The following LZTFL1 variants were observed in gnomAD, a reference collection of about 807,000 sequenced individuals.
The protein encoded by LZTFL1 is leucine zipper transcription factor-like protein 1.
LZTFL1 carries 25 observed loss-of-function variants against 45.9 expected under a neutral mutation model. The ratio of observed to expected loss-of-function variants is 0.54; its 90% CI spans 0.40 to 0.76. The LOEUF is 0.76. Ranked by LOEUF, LZTFL1 falls within the 30% of genes least tolerant of loss-of-function variation. The pLI, the probability that LZTFL1 is intolerant of heterozygous loss-of-function variation, is 0.00. For synonymous variants in LZTFL1, 93 were observed against 117.4 expected (o/e 0.79, Z 1.35); for missense variants, 277 against 331.1 (o/e 0.84, Z 1.27).
chr3:45,825,109 T>C lies in LZTFL1; in HGVS notation c.*1205A>G, dbSNP rs1311310251. ...TGAATAAAAATAACAACAAGCCCTA[T>C]GCTCCAATCAGTAAACTCGTTTCTT... On this transcript the variant is annotated 3_prime_UTR_variant, in exon 10 of 10. Coordinates refer to ENST00000296135, the MANE Select transcript of LZTFL1 (RefSeq NM_020347.4). 1 of 384,528 alleles carries C rather than the reference T, an allele frequency of 2.6e-6. No homozygotes were observed. The highest frequency in any genetic ancestry group is 4.5e-5 in the Admixed American group (1 of 22,404). 23.8% of individuals were successfully genotyped at this position (384,528 alleles called of 1,614,324 possible).
At position 45,894,784 on chromosome 3, in the gene LZTFL1, G is replaced by T. The variant is rs1450229529; in HGVS notation, c.-215+18336C>A. 1.4e-4 allele frequency: 99 copies of T among 720,216 alleles called. 1 individual carries two copies. The South Asian group carries it at 1.6e-3, about 11-fold the overall frequency. 44.6% of individuals were successfully genotyped at this position (720,216 alleles called of 1,614,324 possible). A position where few individuals can be genotyped will look rare whatever the true frequency, so the allele number is the denominator to read the frequency against. On this transcript the variant is annotated intron_variant, in intron 2 of 4. Coordinates refer to the LZTFL1 transcript ENST00000472635. ...GAATACTATATAGACTCTAACTCCTGCTTGGAATATTTTTTTCAGAAGAAT... is the reference window on the plus strand; with the variant it reads ...GAATACTATATAGACTCTAACTCCTTCTTGGAATATTTTTTTCAGAAGAAT...
intron 2 of LZTFL1, among the ~76,000 whole-genome samples, chr3:45,881,161 C>G (rs916036755): frequency 3.3e-5 from 5 of 152,214 alleles, no homozygotes; most frequent in African/African-American, 4.8e-5. Flanking sequence ...CCCTTATAAA[C>G]AGCTTGTATT....
At chr3:45,850,015 A>G (rs1701283052) in intron 4 of LZTFL1, among the ~76,000 whole-genome samples, 1 of 152,246 alleles carries the variant, frequency 6.6e-6, no homozygotes, top group East Asian at 1.9e-4. Flanking sequence ...TCGTGTCCAC[A>G]TAAGAAGGTT....
intron 2 of LZTFL1, among the ~76,000 whole-genome samples, chr3:45,836,653 TCAAAAAAACAAA>T (rs1700975607): frequency 6.6e-6 from 1 of 152,018 alleles, no homozygotes; most frequent in South Asian, 2.1e-4. Flanking sequence ...AGACTCCGTC[TCAAAAAAACAAA>T]CAAAAAAACA....
Position 45,828,456 on chromosome 3 carries a change from G to A in LZTFL1, c.760C>T (p.Leu254=). 1 of 1,613,616 alleles carries A rather than the reference G, an allele frequency of 6.2e-7. No individual in the cohort carries two copies. The highest frequency in any genetic ancestry group is 8.5e-7 in the Non-Finnish European group (1 of 1,179,884). ...CTTCTGACCTTTTCAGCCATGTGCA[G>A]CTGCTCCTGAACCCTGAGTAGATCG... ...KHDLLRVQEQ[L]HMAEKELEKK... is the part of the protein sequence containing the mutation. Residue 254 remains leucine, a synonymous_variant, in exon 8 of 10, where the codon CTG becomes TTG. Coordinates refer to ENST00000296135, the MANE Select transcript of LZTFL1 (RefSeq NM_020347.4).
At chr3:45,826,728 AAC>A (rs1216279222) in intron 9 of LZTFL1, among the ~76,000 whole-genome samples, 1 of 152,218 alleles carries the variant, frequency 6.6e-6, no homozygotes, top group Non-Finnish European at 1.5e-5. Context: ...GTAAAATGTC[AAC>A]TCAGTTTCCA....
At chr3:45,912,357 C>T (rs142156859) in intron 2 of LZTFL1, among the ~76,000 whole-genome samples, 354 of 152,332 alleles carry the variant, frequency 2.3e-3, no homozygotes, top group African/African-American at 8.1e-3. Context: ...CTCACTGTCC[C>T]TGTGCCCTTT....
upstream of LZTFL1, among the ~76,000 whole-genome samples, chr3:45,846,809 G>A (rs934505414): frequency 2.6e-5 from 4 of 152,050 alleles, no homozygotes; most frequent in African/African-American, 9.7e-5. Context: ...GGGGAGTCAG[G>A]AGAGAAAGGC....
In LZTFL1 at chr3:45,900,667, A is replaced by G. The variant is rs916269817; in HGVS notation, c.-215+12453T>C. ...TAAATAAATATGTCACAACCCAAGCAGATGTCCTCAGAATGCCTATGTGTC... is the reference window on the plus strand; with the variant it reads ...TAAATAAATATGTCACAACCCAAGCGGATGTCCTCAGAATGCCTATGTGTC... On this transcript the variant is annotated intron_variant, in intron 2 of 4. Coordinates refer to the LZTFL1 transcript ENST00000472635. This position sits in a 1 kb window ranked among gnomAD's most constrained non-coding sequence, Gnocchi z 4.7. The G allele has an allele frequency of 8.2e-6, 6 of 734,804 alleles. No homozygotes were observed. Among genetic ancestry groups the G allele is most frequent in the Non-Finnish European group, 1.4e-5 (6 of 439,592 alleles). 45.5% of individuals were successfully genotyped at this position (734,804 alleles called of 1,614,324 possible).
chr3:45,826,355 C>T (rs775708478), intron 9 of LZTFL1, 23 bp from the exon 10 acceptor site: 1 of 1,598,786 alleles, frequency 6.3e-7, no homozygotes, highest in Non-Finnish European at 8.6e-7. Context: ...ATTAAGAACA[C>T]AATGTCAGGA....
chr3:45,854,087 T>G (rs1701349075), intron 4 of LZTFL1, among the ~76,000 whole-genome samples: 1 of 152,246 alleles, frequency 6.6e-6, no homozygotes, highest in African/African-American at 2.4e-5. Context: ...GGGCTTTTGC[T>G]ACTCTGCCCT....
intron 2 of LZTFL1, among the ~76,000 whole-genome samples, chr3:45,885,054 C>T (rs1458512338): frequency 6.6e-6 from 1 of 152,182 alleles, no homozygotes; most frequent in Admixed American, 6.5e-5. Flanking sequence ...ATGCCCTCTA[C>T]CTTTCAGATG....
intron 2 of LZTFL1, among the ~76,000 whole-genome samples, chr3:45,861,231 A>C (rs1344441719): frequency 2.0e-5 from 3 of 151,856 alleles, no homozygotes; most frequent in African/African-American, 7.2e-5. Context: ...AAAAAACCCC[A>C]AAAACTCCCT....
chr3:45,911,721 G>A (rs942298539), intron 2 of LZTFL1, among the ~76,000 whole-genome samples: 4 of 152,200 alleles, frequency 2.6e-5, no homozygotes, highest in Admixed American at 1.3e-4. Flanking sequence ...GGCCCTCCCC[G>A]CTCATGGCTT....
At chr3:45,910,107 GGT>G (rs2125772663) in intron 2 of LZTFL1, among the ~76,000 whole-genome samples, 1 of 152,242 alleles carries the variant, frequency 6.6e-6, no homozygotes, top group South Asian at 2.1e-4. Flanking sequence ...TTTTAAGTGG[GGT>G]GTGGCATGAT....
At chr3:45,889,567 A>G (rs1344413212) in intron 2 of LZTFL1, among the ~76,000 whole-genome samples, 1 of 152,196 alleles carries the variant, frequency 6.6e-6, no homozygotes, top group Non-Finnish European at 1.5e-5. Context: ...AAGATATTTA[A>G]ATAGTTTGCA....
chr3:45,844,517 A>G (rs1483817236), upstream of LZTFL1, among the ~76,000 whole-genome samples: 1 of 152,168 alleles, frequency 6.6e-6, no homozygotes, highest in Non-Finnish European at 1.5e-5. Flanking sequence ...GAAAGAGAAA[A>G]GTTTGATAAA....
At chr3:45,848,637 A>G (rs1262358962) in intron 4 of LZTFL1, among the ~76,000 whole-genome samples, 1 of 152,236 alleles carries the variant, frequency 6.6e-6, no homozygotes, top group Admixed American at 6.5e-5. Context: ...TTATTACATT[A>G]GTACAAAGTG....
Position 45,824,887 on chromosome 3 carries a change from T to C in LZTFL1, c.*1427A>G. 2.5e-6 allele frequency: 1 copy of C among 398,414 alleles called. No homozygotes were observed. Among genetic ancestry groups the C allele is most frequent in the South Asian group, 1.3e-4 (1 of 7,858 alleles). 24.7% of individuals were successfully genotyped at this position (398,414 alleles called of 1,614,324 possible). A position where few individuals can be genotyped will look rare whatever the true frequency, so the allele number is the denominator to read the frequency against. On this transcript the variant is annotated 3_prime_UTR_variant, in exon 10 of 10. Transcript: ENST00000296135. ...AGTGACCTAAATATGGAGAGACAGG[T>C]GAGGAGAAAATACATAGTAAATGCT... is the stretch of plus-strand genomic sequence containing the variant.
Sources: gnomAD v4.1 joint callset for allele counts (sites outside exome capture counted in the v4.1 genomes callset) on GRCh38, gnomAD v4.1.1 for gene constraint, Gnocchi (gnomAD v3.1) non-coding constraint, MANE v1.5 for transcripts, NCBI Gene and HGNC (gene_info 2026-07-23, HGNC 2026-07-21) for gene names.